The following MYT1L variants were observed in gnomAD, a reference collection of about 807,000 sequenced individuals.
MYT1L encodes myelin transcription factor 1-like protein.
A neutral mutation model predicts 126.7 loss-of-function variants in MYT1L; 12 were observed. The observed-to-expected ratio is 0.09, with a 90% CI of 0.06 to 0.15. The LOEUF is 0.15. MYT1L is among the 10% of genes least tolerant of loss of function. MYT1L has a pLI of 1.00. For missense variants in MYT1L, 979 were observed against 1,585.2 expected, an observed-to-expected ratio of 0.62 and a Z score of 6.49; for synonymous variants, 541 against 604.2, an observed-to-expected ratio of 0.90 and a Z score of 1.53.
At chr2:1,844,370 A>T (rs1194029375) in intron 19 of MYT1L, among the ~76,000 whole-genome samples, 1 of 152,158 alleles carries the variant, frequency 6.6e-6, no homozygotes, top group Non-Finnish European at 1.5e-5. Flanking sequence ...CCACCAACTA[A>T]GCACTAGAAC....
In MYT1L at chr2:1,859,724, A is replaced by G. The variant is rs529644275; in HGVS notation, c.2712-8021T>C. On this transcript the variant is annotated intron_variant, in intron 18 of 24. Transcript: ENST00000647738. ...CGTGGCTTGCGGCTCCAGTGCCTATATTAGCACTGGGTCAGCCTCTCACCT... is the reference window on the plus strand; with the variant it reads ...CGTGGCTTGCGGCTCCAGTGCCTATGTTAGCACTGGGTCAGCCTCTCACCT... 1.1e-3 allele frequency among the ~76,000 whole-genome samples: 165 copies of G among 152,350 alleles called. 2 individuals are homozygous for G. The highest frequency in any genetic ancestry group is 3.8e-3 in the African/African-American group (156 of 41,588).
At chr2:2,245,141 A>C (rs1024128316) in intron 2 of MYT1L, among the ~76,000 whole-genome samples, 1 of 152,234 alleles carries the variant, frequency 6.6e-6, no homozygotes, top group African/African-American at 2.4e-5. Context: ...TATTGCACCA[A>C]GAGTGATTTG....
At chr2:1,817,282 G>A (rs1425881624) in intron 21 of MYT1L, among the ~76,000 whole-genome samples, 5 of 152,172 alleles carry the variant, frequency 3.3e-5, no homozygotes, top group Non-Finnish European at 5.9e-5. Flanking sequence ...GGAAGCAGAG[G>A]CCACCGGTGC....
At chr2:2,033,452 T>A (rs2066629229) in intron 4 of MYT1L, among the ~76,000 whole-genome samples, 1 of 152,118 alleles carries the variant, frequency 6.6e-6, no homozygotes, top group Non-Finnish European at 1.5e-5. Flanking sequence ...TACACACCGC[T>A]CGCCAGTGCC....
intron 2 of MYT1L, among the ~76,000 whole-genome samples, chr2:2,260,984 T>C (rs2094950432): frequency 1.3e-5 from 2 of 152,210 alleles, no homozygotes; most frequent in African/African-American, 4.8e-5. Context: ...CTTGATACTT[T>C]GTTAACGGTG....
intron 8 of MYT1L, among the ~76,000 whole-genome samples, chr2:1,966,234 A>T (rs927730452): frequency 6.6e-6 from 1 of 152,250 alleles, no homozygotes; most frequent in African/African-American, 2.4e-5. Context: ...GAGCGAGATC[A>T]TTCACAGGAA....
At chr2:1,901,557 A>G (rs2050343420) in intron 14 of MYT1L, among the ~76,000 whole-genome samples, 1 of 152,180 alleles carries the variant, frequency 6.6e-6, no homozygotes, top group South Asian at 2.1e-4. Context: ...GAAATACTAA[A>G]TTTCATTCAC....
intron 2 of MYT1L, among the ~76,000 whole-genome samples, chr2:2,198,566 A>G (rs1401303427): frequency 6.6e-6 from 1 of 152,060 alleles, no homozygotes; most frequent in Non-Finnish European, 1.5e-5. Flanking sequence ...GTCAATTAGA[A>G]ATGAAAATTA....
rs1250110317 is a variant in MYT1L at position 1,790,544 on chromosome 2, T to G, written c.*1323A>C. On this transcript the variant is annotated 3_prime_UTR_variant, in exon 25 of 25. Coordinates refer to ENST00000647738, the MANE Select transcript of MYT1L (RefSeq NM_001303052.2). ...TAGTTACTTTTAAAATCTGATTGCATTCATTCTTAGAATAGTCACAAGAAA... is the reference window on the plus strand; with the variant it reads ...TAGTTACTTTTAAAATCTGATTGCAGTCATTCTTAGAATAGTCACAAGAAA... The G allele has an allele frequency of 3.9e-5, 6 of 152,290 alleles. No individual in the cohort carries two copies. Among genetic ancestry groups the G allele is most frequent in the Admixed American group, 2.0e-4 (3 of 15,294 alleles). The allele number at this position is 152,290 out of a possible 1,614,324, so 9.4% of individuals were successfully genotyped here.
intron 2 of MYT1L, among the ~76,000 whole-genome samples, chr2:2,256,906 C>T (rs576793865): frequency 6.6e-6 from 1 of 152,244 alleles, no homozygotes; most frequent in East Asian, 1.9e-4. Flanking sequence ...GTGTAAATGC[C>T]ATTCATATAG....
At chr2:2,285,616 T>C (rs933451911) in intron 1 of MYT1L, among the ~76,000 whole-genome samples, 5 of 152,330 alleles carry the variant, frequency 3.3e-5, no homozygotes, top group Admixed American at 6.5e-5. Context: ...TTCCCAATTC[T>C]GCCTAGAAGC....
chr2:1,832,392 T>C (rs192794748), intron 21 of MYT1L, among the ~76,000 whole-genome samples: 33 of 152,334 alleles, frequency 2.2e-4, no homozygotes, highest in African/African-American at 7.7e-4. Flanking sequence ...TTGTGACGGC[T>C]GAGCAGACTA....
At chr2:2,308,534 T>C (rs1408073389) in intron 1 of MYT1L, among the ~76,000 whole-genome samples, 2 of 147,480 alleles carry the variant, frequency 1.4e-5, no homozygotes, top group East Asian at 2.1e-4. Context: ...CACTTCAGTA[T>C]ATTCTACCCA....
rs7425544 is a variant in MYT1L at position 1,840,880 on chromosome 2, C to T, written c.2775-37G>A. On this transcript the variant is annotated intron_variant, in intron 19 of 24. Transcript: ENST00000647738. The stretch of plus-strand genomic sequence containing the variant: ...ACACATTTCAGAAAGCACCCCACAC[C>T]GTTGATTTCAGTGAGCTTTCTTTCT... 452,841 of 1,236,708 alleles carry T rather than the reference C, an allele frequency of 0.37. 91,276 individuals carry two copies. Among genetic ancestry groups the T allele is most frequent in the East Asian group, 0.64 (24,606 of 38,544 alleles). 76.6% of individuals were successfully genotyped at this position (1,236,708 alleles called of 1,614,324 possible).
At chr2:2,114,624 A>C in intron 3 of MYT1L, among the ~76,000 whole-genome samples, 1 of 152,220 alleles carries the variant, frequency 6.6e-6, no homozygotes, top group South Asian at 2.1e-4. Context: ...AGGAGCCATG[A>C]TTTTAGTTTA....
chr2:2,126,106 C>A (rs1165677469), intron 3 of MYT1L, among the ~76,000 whole-genome samples: 1 of 152,164 alleles, frequency 6.6e-6, no homozygotes, highest in Non-Finnish European at 1.5e-5. Flanking sequence ...GAGCTCTCTT[C>A]CCTTTCCCAG....
chr2:1,872,302 G>A (rs760512809), intron 18 of MYT1L, among the ~76,000 whole-genome samples: 5 of 152,302 alleles, frequency 3.3e-5, no homozygotes, highest in Non-Finnish European at 7.3e-5. Flanking sequence ...GTCATCCAAC[G>A]AAAGGTAGAA....
chr2:1,854,831 A>G (rs6709806), intron 18 of MYT1L, among the ~76,000 whole-genome samples: 21,395 of 151,964 alleles, frequency 0.14, 1,657 homozygotes, highest in East Asian at 0.28. Context: ...TTCTCTTGAG[A>G]CGCCTCTCCA....
intron 19 of MYT1L, among the ~76,000 whole-genome samples, chr2:1,851,330 A>G (rs1246750830): frequency 1.3e-5 from 2 of 152,148 alleles, no homozygotes; most frequent in African/African-American, 4.8e-5. Context: ...TATAGTAGAT[A>G]CTGTTCTTTT....
Sources: gnomAD v4.1 joint callset for allele counts (sites outside exome capture counted in the v4.1 genomes callset) on GRCh38, gnomAD v4.1.1 for gene constraint, MANE v1.5 for transcripts, NCBI Gene and HGNC (gene_info 2026-07-23, HGNC 2026-07-21) for gene names.